The following MBTD1 variants were observed in gnomAD, a reference collection of about 807,000 sequenced individuals.
The protein encoded by MBTD1 is mbt domain containing 1.
MBTD1 carries 24 observed loss-of-function variants against 87.8 expected under a neutral mutation model. The ratio of observed to expected loss-of-function variants is 0.27; its 90% CI spans 0.20 to 0.38. The LOEUF is 0.38. Ranked by LOEUF, MBTD1 falls within the 10% of genes least tolerant of loss-of-function variation. The probability of loss-of-function intolerance (pLI) is 1.00; values close to 1 mark genes in which losing one functional copy is unlikely to be tolerated. For missense variants in MBTD1, 436 were observed against 760.2 expected (o/e 0.57, Z 5.02); for synonymous variants, 237 against 248.6 (o/e 0.95, Z 0.44).
intron 6 of MBTD1, among the ~76,000 whole-genome samples, chr17:51,210,136 G>A (rs953488925): frequency 6.6e-6 from 1 of 152,086 alleles, no homozygotes; most frequent in South Asian, 2.1e-4. Flanking sequence ...CGAGTAGCTG[G>A]GATTACAGGC....
At chr17:51,183,791 A>C (rs953124019) in intron 16 of MBTD1, 1 of 152,218 alleles carries the variant, frequency 6.6e-6, no homozygotes, top group Non-Finnish European at 1.5e-5. Context: ...CCATTTTAAC[A>C]ATACCTAGAA....
At chr17:51,188,686 G>C (rs1029013340) in intron 16 of MBTD1, among the ~76,000 whole-genome samples, 7 of 150,348 alleles carry the variant, frequency 4.7e-5, no homozygotes, top group African/African-American at 1.7e-4. Context: ...GGCACCATTA[G>C]AGTGAAAACT....
At chr17:51,237,821 C>A (rs2053938961) in intron 2 of MBTD1, among the ~76,000 whole-genome samples, 1 of 152,102 alleles carries the variant, frequency 6.6e-6, no homozygotes, top group South Asian at 2.1e-4. Context: ...AAGGCATATA[C>A]CCATACAAAG....
intron 2 of MBTD1, among the ~76,000 whole-genome samples, 164 bp downstream of exon 2, chr17:51,258,979 T>C (rs549910267): frequency 6.6e-6 from 1 of 152,034 alleles, no homozygotes; most frequent in South Asian, 2.1e-4. Context: ...TGAGAGAAAA[T>C]TTGAGAAGTA....
At position 51,224,110 on chromosome 17, in the gene MBTD1, C is replaced by A. The variant is rs567479510; in HGVS notation, c.154+898G>T. ...ATCTTCTGGCCTCACACAGGGTGAC[C>A]ATTTGTTTGGTTCCCACATTTCCAG... is the stretch of plus-strand genomic sequence containing the variant. On this transcript the variant is annotated intron_variant, in intron 3 of 16. Transcript: ENST00000586178. 2.0e-5 allele frequency among the ~76,000 whole-genome samples: 3 copies of A among 152,268 alleles called. No individual in the cohort carries two copies. In the East Asian group the frequency reaches 5.8e-4, roughly 29 times the overall value.
At position 51,234,400 on chromosome 17, in the gene MBTD1, C is replaced by CAAAAAAAAAA. The variant is rs71149356; in HGVS notation, c.-48-9201_-48-9192dup. 4.4e-5 allele frequency among the ~76,000 whole-genome samples: 3 copies of CAAAAAAAAAA among 68,676 alleles called. 1 individual carries two copies. Among genetic ancestry groups the CAAAAAAAAAA allele is most frequent in the South Asian group, 1.1e-3 (2 of 1,772 alleles). The allele number at this position is 68,676 out of a possible 152,430, so 45.1% of individuals were successfully genotyped here. ...AGAGGAGAGACTTTGTCCCCGTCTC[C>CAAAAAAAAAA]AAAAAAAAAAAAAAAAAAAAAGTAA... On this transcript the variant is annotated intron_variant, in intron 2 of 16. Transcript: ENST00000586178.
intron 16 of MBTD1, chr17:51,185,094 C>G (rs1041052547): frequency 6.6e-6 from 1 of 152,102 alleles, no homozygotes; most frequent in South Asian, 2.1e-4. Flanking sequence ...CGGAAACAAA[C>G]AAGAAAACCC....
chr17:51,179,175 C>G lies in MBTD1; in HGVS notation c.*1401G>C, dbSNP rs1478432918. ...ATTTCTAATTAGCCCTACCTATATT[C>G]CAGAGGAGATGGTCAATATTACCAC... On this transcript the variant is annotated 3_prime_UTR_variant, in exon 17 of 17. Transcript: ENST00000586178. 1.3e-5 allele frequency: 2 copies of G among 151,836 alleles called. No individual in the cohort carries two copies. The highest frequency in any genetic ancestry group is 2.9e-5 in the Non-Finnish European group (2 of 67,992). 9.4% of individuals were successfully genotyped at this position (151,836 alleles called of 1,614,324 possible). A position where few individuals can be genotyped will look rare whatever the true frequency, so the allele number is the denominator to read the frequency against.
intron 2 of MBTD1, among the ~76,000 whole-genome samples, chr17:51,229,158 T>C (rs1361471065): frequency 2.0e-5 from 3 of 152,202 alleles, no homozygotes; most frequent in Admixed American, 6.6e-5. Flanking sequence ...AGGGAGACCC[T>C]ATCTCTACTA....
intron 2 of MBTD1, among the ~76,000 whole-genome samples, chr17:51,241,858 G>A (rs1416518288): frequency 6.6e-6 from 1 of 152,154 alleles, no homozygotes; most frequent in Non-Finnish European, 1.5e-5. Context: ...GAGCCACCAT[G>A]CCCAGCCTAC....
intron 6 of MBTD1, among the ~76,000 whole-genome samples, chr17:51,215,760 A>C (rs913148262): frequency 6.6e-6 from 1 of 152,158 alleles, no homozygotes; most frequent in Non-Finnish European, 1.5e-5. Flanking sequence ...GTCACTGACT[A>C]AGGGCTTCAT....
chr17:51,250,469 G>A (rs1352104156), intron 2 of MBTD1: 1 of 152,184 alleles, frequency 6.6e-6, no homozygotes, highest in Non-Finnish European at 1.5e-5. Context: ...TGTTCAAACT[G>A]TTGTTCTGCA....
chr17:51,203,310 C>T, intron 8 of MBTD1, 82 bp from the exon 9 acceptor site: 1 of 725,872 alleles, frequency 1.4e-6, no homozygotes, highest in Non-Finnish European at 2.1e-6. Flanking sequence ...TAACAAATTT[C>T]CTTGCAAAGT....
intron 6 of MBTD1, among the ~76,000 whole-genome samples, chr17:51,209,075 G>A (rs915427467): frequency 2.6e-5 from 4 of 152,156 alleles, no homozygotes; most frequent in Non-Finnish European, 4.4e-5. Context: ...AGAGCACCAC[G>A]GTCATAGCAT....
intron 2 of MBTD1, among the ~76,000 whole-genome samples, chr17:51,234,710 TG>T (rs553888916): frequency 1.3e-5 from 2 of 152,376 alleles, no homozygotes; most frequent in South Asian, 4.1e-4. Flanking sequence ...TTTTGTTTTT[TG>T]AGACGAAGTT....
At chr17:51,191,803 G>A (rs956611061) in intron 16 of MBTD1, 7 of 173,260 alleles carry the variant, frequency 4.0e-5, no homozygotes, top group Non-Finnish European at 8.5e-5. Context: ...GGATGGTCTC[G>A]ATCTCCTGAC....
intron 1 of MBTD1, among the ~76,000 whole-genome samples, chr17:51,259,407 G>A (rs2055311467): frequency 6.6e-6 from 1 of 152,132 alleles, no homozygotes; most frequent in East Asian, 1.9e-4. Context: ...CCCCAAGGCA[G>A]ATAGACACCT....
At chr17:51,259,343 C>A (rs1319972572) in intron 1 of MBTD1, 137 bp from the exon 2 acceptor site, 1 of 949,538 alleles carries the variant, frequency 1.1e-6, no homozygotes, top group Non-Finnish European at 1.4e-6. Context: ...ACGTGCCCAC[C>A]CCGCCCCCTT....
chr17:51,196,204 G>A (rs1173429174), intron 12 of MBTD1, among the ~76,000 whole-genome samples: 2 of 149,914 alleles, frequency 1.3e-5, no homozygotes, highest in Admixed American at 6.6e-5. Flanking sequence ...GAGCCACCAC[G>A]TCTGGCTGTG....
Sources: gnomAD v4.1 joint callset for allele counts (sites outside exome capture counted in the v4.1 genomes callset) on GRCh38, gnomAD v4.1.1 for gene constraint, MANE v1.5 for transcripts, NCBI Gene and HGNC (gene_info 2026-07-23, HGNC 2026-07-21) for gene names.